The following CNBD1 variants were observed in gnomAD, a reference collection of about 807,000 sequenced individuals.
CNBD1 encodes the protein cyclic nucleotide-binding domain-containing protein 1.
A neutral mutation model predicts 54.4 loss-of-function variants in CNBD1; 71 were observed. The observed-to-expected ratio is 1.30, with a 90% CI of 1.08 to 1.59. The LOEUF (loss-of-function observed/expected upper bound fraction) is 1.59. Ranked by LOEUF, CNBD1 falls within the 40% of genes most tolerant of loss-of-function variation. The probability of loss-of-function intolerance (pLI) is 0.00; values close to 1 mark genes in which losing one functional copy is unlikely to be tolerated. For missense variants in CNBD1, 659 were observed against 518.0 expected (o/e 1.27, Z -2.64); for synonymous variants, 182 against 170.7 (o/e 1.07, Z -0.51).
intron 5 of CNBD1, among the ~76,000 whole-genome samples, chr8:87,234,394 T>C (rs1286784183): frequency 6.6e-6 from 1 of 152,206 alleles, no homozygotes; most frequent in Non-Finnish European, 1.5e-5. Context: ...ATTTCTTAAA[T>C]AATAAAACTT....
chr8:86,902,889 A>G (rs190595387), intron 2 of CNBD1, among the ~76,000 whole-genome samples: 8 of 152,174 alleles, frequency 5.3e-5, no homozygotes, highest in South Asian at 2.1e-4. Context: ...TCTATATTCC[A>G]TATTTAGATA....
intron 4 of CNBD1, among the ~76,000 whole-genome samples, chr8:86,975,784 A>C (rs1290632490): frequency 6.6e-6 from 1 of 151,916 alleles, no homozygotes; most frequent in African/African-American, 2.4e-5. Flanking sequence ...TTCTATTTTT[A>C]GTTTTTTGGA....
chr8:87,038,184 T>A (rs1563444965), intron 4 of CNBD1, among the ~76,000 whole-genome samples: 1 of 152,188 alleles, frequency 6.6e-6, no homozygotes, highest in African/African-American at 2.4e-5. Flanking sequence ...CATGTTGATA[T>A]GTGGGTTTGG....
intron 4 of CNBD1, among the ~76,000 whole-genome samples, chr8:86,955,659 T>C (rs1014408352): frequency 1.3e-5 from 2 of 152,226 alleles, no homozygotes; most frequent in Non-Finnish European, 2.9e-5. Context: ...TCATATCCTT[T>C]GCCCACTTTT....
At chr8:87,415,477 C>T (rs1807819509) in intron 2 of CNBD1, among the ~76,000 whole-genome samples, 1 of 151,976 alleles carries the variant, frequency 6.6e-6, no homozygotes, top group Non-Finnish European at 1.5e-5. Flanking sequence ...ATCAAAGGAG[C>T]ACTCTCAGAA....
At chr8:87,424,949 C>T (rs28805075) in intron 2 of CNBD1, among the ~76,000 whole-genome samples, 83,176 of 151,882 alleles carry the variant, frequency 0.55, 23,854 homozygotes, top group African/African-American at 0.71. Flanking sequence ...CCATGACTTT[C>T]AGGTACACCA....
intron 4 of CNBD1, among the ~76,000 whole-genome samples, chr8:87,023,081 T>C (rs1387642038): frequency 1.3e-5 from 2 of 152,114 alleles, no homozygotes; most frequent in South Asian, 2.1e-4. Context: ...ACTAGGGAGG[T>C]AGCTTGAATT....
At chr8:87,408,861 C>T (rs1001107383) in intron 2 of CNBD1, among the ~76,000 whole-genome samples, 1 of 152,048 alleles carries the variant, frequency 6.6e-6, no homozygotes, top group Non-Finnish European at 1.5e-5. Flanking sequence ...GACCTGCATC[C>T]ATATAAGACT....
chr8:87,211,203 G>A (rs1814090694), intron 5 of CNBD1, among the ~76,000 whole-genome samples: 1 of 152,126 alleles, frequency 6.6e-6, no homozygotes, highest in South Asian at 2.1e-4. Flanking sequence ...TTTTGGAATG[G>A]GAATGTTTTT....
At chr8:86,966,583 C>T (rs1036187756) in intron 4 of CNBD1, among the ~76,000 whole-genome samples, 1 of 152,068 alleles carries the variant, frequency 6.6e-6, no homozygotes, top group Non-Finnish European at 1.5e-5. Context: ...TTCATTCCTC[C>T]CGGTGGGTTC....
chr8:87,418,398 G>A (rs553870656), intron 2 of CNBD1, among the ~76,000 whole-genome samples: 78 of 151,928 alleles, frequency 5.1e-4, no homozygotes, highest in Middle Eastern at 3.4e-3. Context: ...TTAACAAGTC[G>A]AAAAATTCTT....
chr8:86,973,462 T>C (rs1160471986), intron 4 of CNBD1, among the ~76,000 whole-genome samples: 1 of 152,204 alleles, frequency 6.6e-6, no homozygotes, highest in Non-Finnish European at 1.5e-5. Context: ...TGTCTTTTCA[T>C]CATTGTTTTT....
rs905901591 is a variant in CNBD1 at position 87,008,476 on chromosome 8, T to G, written c.431+68722T>G. On this transcript the variant is annotated intron_variant, in intron 4 of 10. Transcript: ENST00000518476. Reference sequence around the variant, plus strand: ...CGGGGTGGGTCTTAGAAGTCCTTTCTGCAGAATTTATCCAGTAAAAGTTAG... The same window carrying G: ...CGGGGTGGGTCTTAGAAGTCCTTTCGGCAGAATTTATCCAGTAAAAGTTAG... Among the ~76,000 whole-genome samples the G allele has an allele frequency of 4.5e-4, 68 of 152,340 alleles. 1 individual carries two copies. Among genetic ancestry groups the G allele is most frequent in the African/African-American group, 1.6e-3 (67 of 41,584 alleles).
chr8:87,118,795 G>T (rs1388264413), intron 4 of CNBD1, among the ~76,000 whole-genome samples: 1 of 152,082 alleles, frequency 6.6e-6, no homozygotes, highest in Non-Finnish European at 1.5e-5. Flanking sequence ...ACACACCTGG[G>T]AAAGGCACAA....
chr8:86,908,835 G>A (rs1438142426), intron 3 of CNBD1, among the ~76,000 whole-genome samples: 1 of 148,228 alleles, frequency 6.7e-6, no homozygotes, highest in Admixed American at 6.8e-5. Flanking sequence ...GCCTGATCTC[G>A]GCTCACTGCA....
chr8:87,109,540 C>CT (rs35541466), intron 4 of CNBD1, among the ~76,000 whole-genome samples: 11,084 of 107,872 alleles, frequency 0.1, 1,533 homozygotes, highest in African/African-American at 0.3. Flanking sequence ...TTCTTTCTTT[C>CT]TTTTTTTTTT....
chr8:87,277,070 TTATA>T (rs10583348), intron 6 of CNBD1, among the ~76,000 whole-genome samples: 1 of 149,266 alleles, frequency 6.7e-6, no homozygotes, highest in African/African-American at 2.4e-5. Context: ...GATGGGTCAT[TTATA>T]TATATATATA....
chr8:87,163,688 ATTAG>A lies in CNBD1; in HGVS notation c.432-42302_432-42299del, dbSNP rs1484667323. 1.3e-5 allele frequency among the ~76,000 whole-genome samples: 2 copies of A among 151,874 alleles called. No individual in the cohort carries two copies. Among genetic ancestry groups the A allele is most frequent in the East Asian group, 1.9e-4 (1 of 5,162 alleles). ...TCCTGCAAATTTATTGAATTTGCTT[ATTAG>A]TTCTAACAGTTTTTTTGTTGGCGTC... On this transcript the variant is annotated intron_variant, in intron 4 of 10. Transcript: ENST00000518476. This position sits in a 1 kb window ranked among gnomAD's most constrained non-coding sequence, Gnocchi z 4.5.
At chr8:87,335,133 C>T (rs1396614816) in intron 8 of CNBD1, among the ~76,000 whole-genome samples, 1 of 151,986 alleles carries the variant, frequency 6.6e-6, no homozygotes, top group Non-Finnish European at 1.5e-5. Context: ...ATTATGTGGT[C>T]GATTTTAGAG....
Sources: allele counts gnomAD v4.1 joint callset (sites outside exome capture counted in the v4.1 genomes callset), GRCh38; gene constraint gnomAD v4.1.1; non-coding constraint Gnocchi (gnomAD v3.1); transcripts MANE v1.5; gene names NCBI Gene and HGNC (gene_info 2026-07-23, HGNC 2026-07-21).